The following DAPK1 variants were observed in gnomAD, a reference collection of about 807,000 sequenced individuals.
The protein encoded by DAPK1 is death associated protein kinase 1, also known as death-associated protein kinase 1.
Under a neutral mutation model 144.9 loss-of-function variants are expected in DAPK1, and 56 were observed. The ratio of observed to expected loss-of-function variants is 0.39; its 90% confidence interval spans 0.31 to 0.48. DAPK1 has a LOEUF of 0.48. DAPK1 is among the 20% of genes least tolerant of loss of function. The pLI, the probability that DAPK1 is intolerant of heterozygous loss-of-function variation, is 0.95. For synonymous variants in DAPK1, 690 were observed against 749.0 expected (o/e 0.92, Z 1.29); for missense variants, 1,454 against 1,875.4 (o/e 0.78, Z 4.15).
chr9:87,646,314 C>A (rs1830263773), intron 12 of DAPK1, 147 bp from the exon 13 acceptor site: 2 of 662,576 alleles, frequency 3.0e-6, no homozygotes, highest in Non-Finnish European at 2.6e-6. Flanking sequence ...GTTTTATACC[C>A]TTCCACCTGT....
chr9:87,684,535 C>T (rs914911157), intron 20 of DAPK1, among the ~76,000 whole-genome samples: 1 of 152,222 alleles, frequency 6.6e-6, no homozygotes, highest in Non-Finnish European at 1.5e-5. Context: ...GCTGAGCTCC[C>T]AGCCAGGAGA....
chr9:87,637,666 C>T (rs1829949134), intron 3 of DAPK1, among the ~76,000 whole-genome samples: 1 of 152,146 alleles, frequency 6.6e-6, no homozygotes, highest in African/African-American at 2.4e-5. Context: ...TCAAGATACA[C>T]TGATATTTTC....
intron 3 of DAPK1, among the ~76,000 whole-genome samples, chr9:87,606,087 C>T (rs1326120918): frequency 6.6e-6 from 1 of 152,230 alleles, no homozygotes; most frequent in Non-Finnish European, 1.5e-5. Context: ...CAGATTTGCC[C>T]TTTTGCCCAT....
Position 87,639,923 on chromosome 9 carries a change from G to A in DAPK1, c.629+108G>A, listed in dbSNP as rs1587799130. 6 of 1,173,584 alleles carry A rather than the reference G, an allele frequency of 5.1e-6. No homozygotes were observed. The East Asian group carries it at 9.5e-5, about 19-fold the overall frequency. 72.7% of individuals were successfully genotyped at this position (1,173,584 alleles called of 1,614,324 possible). On this transcript the variant is annotated intron_variant, in intron 7 of 25. Coordinates refer to ENST00000408954, the MANE Select transcript of DAPK1 (RefSeq NM_004938.4). ...ATCTCTTCAGCTTATGCATGCTTTT[G>A]ATGCAAACATATTCATTTTACACCC...
At chr9:87,541,183 G>T (rs1237346700) in intron 2 of DAPK1, among the ~76,000 whole-genome samples, 1 of 152,128 alleles carries the variant, frequency 6.6e-6, no homozygotes, top group Non-Finnish European at 1.5e-5. Context: ...CCACTGGTGG[G>T]AAAGGCTTAT....
chr9:87,503,173 G>A (rs1824471211), intron 2 of DAPK1, among the ~76,000 whole-genome samples: 1 of 152,036 alleles, frequency 6.6e-6, no homozygotes, highest in African/African-American at 2.4e-5. Context: ...TCTACAGGTA[G>A]ATATGCATTT....
At chr9:87,572,927 T>G (rs1207202429) in intron 2 of DAPK1, among the ~76,000 whole-genome samples, 1 of 151,980 alleles carries the variant, frequency 6.6e-6, no homozygotes, top group Non-Finnish European at 1.5e-5. Context: ...GGTGGTGAGG[T>G]TCTAAGCTAG....
chr9:87,516,870 G>C (rs1825080978), intron 2 of DAPK1, among the ~76,000 whole-genome samples: 1 of 152,162 alleles, frequency 6.6e-6, no homozygotes, highest in Non-Finnish European at 1.5e-5. Context: ...TGCTGGCAGG[G>C]AACTGGGCCC....
intron 2 of DAPK1, among the ~76,000 whole-genome samples, chr9:87,555,851 A>G (rs755282796): frequency 1.3e-5 from 2 of 152,242 alleles, no homozygotes; most frequent in Admixed American, 6.5e-5. Flanking sequence ...ATGCAAGAGC[A>G]CACTGTTAAC....
At position 87,639,533 on chromosome 9, in the gene DAPK1, G is replaced by C. The variant is rs36211351; in HGVS notation, c.553+50G>C. ...ATTTACGTCTCATAAACATTATTCT[G>C]GCAAACCTCCCCTGCTAGAAGATTC... On this transcript the variant is annotated intron_variant, in intron 5 of 25. Transcript: ENST00000408954. 1.2e-3 allele frequency: 1,907 copies of C among 1,609,564 alleles called. 19 individuals are homozygous for C. The African/African-American group carries it at 0.023, about 19-fold the overall frequency.
intron 25 of DAPK1, among the ~76,000 whole-genome samples, chr9:87,703,817 C>T (rs1449635805): frequency 2.0e-5 from 3 of 152,194 alleles, no homozygotes; most frequent in East Asian, 1.9e-4. Context: ...AGCACCAGGG[C>T]GCGGTTTGGA....
chr9:87,663,781 G>C (rs1830951981), intron 18 of DAPK1, among the ~76,000 whole-genome samples: 1 of 151,984 alleles, frequency 6.6e-6, no homozygotes, highest in Non-Finnish European at 1.5e-5. Context: ...CCACACCAGG[G>C]TCCCTCCCTC....
intron 2 of DAPK1, among the ~76,000 whole-genome samples, chr9:87,572,916 G>A (rs1224440265): frequency 2.0e-5 from 3 of 152,162 alleles, no homozygotes; most frequent in Non-Finnish European, 2.9e-5. Flanking sequence ...AGAATGCATT[G>A]GGTGGTGAGG....
chr9:87,499,122 C>T lies in DAPK1; in HGVS notation c.45C>T (p.Thr15=). The part of the protein sequence containing the change: ...RQENVDDYYD[T]GEELGSGQFA... ...AAAACGTGGATGATTACTACGACAC[C>T]GGCGAGGAACTTGGCAGGTAAAGGG... Residue 15 remains threonine, a synonymous_variant, in exon 2 of 26, where the codon ACC becomes ACT. Coordinates refer to ENST00000408954, the MANE Select transcript of DAPK1 (RefSeq NM_004938.4). 2 of 1,613,918 alleles carry T rather than the reference C, an allele frequency of 1.2e-6. No homozygotes were observed. Among genetic ancestry groups the T allele is most frequent in the Non-Finnish European group, 8.5e-7 (1 of 1,179,892 alleles).
chr9:87,681,813 A>T, intron 20 of DAPK1, 187 bp downstream of exon 20: 1 of 614,176 alleles, frequency 1.6e-6, no homozygotes, highest in South Asian at 1.9e-5. Flanking sequence ...GTCCAGCAGT[A>T]ACAGACTGAC....
chr9:87,592,736 C>CT (rs1828182994), intron 2 of DAPK1, among the ~76,000 whole-genome samples: 1 of 152,106 alleles, frequency 6.6e-6, no homozygotes, highest in Admixed American at 6.5e-5. Context: ...GGGAGTTCTG[C>CT]TTCCACTGAG....
intron 21 of DAPK1, among the ~76,000 whole-genome samples, chr9:87,693,410 T>C (rs1825145748): frequency 6.6e-6 from 1 of 152,114 alleles, no homozygotes; most frequent in Admixed American, 6.5e-5. Context: ...AGTTCTTCAA[T>C]TCTAGAATTT....
At chr9:87,540,098 A>T (rs2118455898) in intron 2 of DAPK1, among the ~76,000 whole-genome samples, 1 of 151,822 alleles carries the variant, frequency 6.6e-6, no homozygotes, top group Admixed American at 6.6e-5. Flanking sequence ...ATTTTGAGAG[A>T]GAGAGAGAGA....
At chr9:87,530,949 G>A (rs1484179094) in intron 2 of DAPK1, among the ~76,000 whole-genome samples, 2 of 152,144 alleles carry the variant, frequency 1.3e-5, no homozygotes, top group South Asian at 2.1e-4. Flanking sequence ...CCAGGGGGAT[G>A]GAGCAGCTGT....
Sources: gnomAD v4.1 joint callset for allele counts (sites outside exome capture counted in the v4.1 genomes callset) on GRCh38, gnomAD v4.1.1 for gene constraint, MANE v1.5 for transcripts, NCBI Gene and HGNC (gene_info 2026-07-23, HGNC 2026-07-21) for gene names.